Variants in RPTOR observed in about 807,000 individuals in gnomAD.
RPTOR encodes regulatory associated protein of MTOR complex 1.
RPTOR carries 21 observed loss-of-function variants against 169.9 expected under a neutral mutation model. The ratio of observed to expected loss-of-function variants is 0.12; its 90% CI spans 0.09 to 0.18. RPTOR has a LOEUF of 0.18. Among genes scored for constraint, RPTOR ranks in the 10% least tolerant of loss-of-function variants. RPTOR has a pLI of 1.00. For missense variants in RPTOR, 1,133 were observed against 1,855.9 expected (o/e 0.61, Z 7.16); for synonymous variants, 732 against 753.2 (o/e 0.97, Z 0.46).
intron 3 of RPTOR, among the ~76,000 whole-genome samples, chr17:80,656,914 G>A (rs866134834): frequency 3.9e-5 from 6 of 152,230 alleles, no homozygotes; most frequent in East Asian, 1.9e-4. Context: ...TGCCCATAGC[G>A]GTGGGAGAGC....
At chr17:80,791,851 G>A (rs1351346724) in intron 7 of RPTOR, among the ~76,000 whole-genome samples, 2 of 152,198 alleles carry the variant, frequency 1.3e-5, no homozygotes, top group African/African-American at 4.8e-5. Flanking sequence ...ATCATAGCTA[G>A]CTCTTACCTT....
chr17:80,765,600 G>A (rs1174269634), intron 6 of RPTOR, among the ~76,000 whole-genome samples: 3 of 152,132 alleles, frequency 2.0e-5, no homozygotes, highest in African/African-American at 7.2e-5. Context: ...GAGAGTAGCT[G>A]GTGGAGTCAG....
chr17:80,705,073 C>T (rs1350418164), intron 3 of RPTOR, among the ~76,000 whole-genome samples: 2 of 152,260 alleles, frequency 1.3e-5, no homozygotes, highest in Non-Finnish European at 2.9e-5. Flanking sequence ...CCTCCTGTCA[C>T]GCTCCGTGCT....
In RPTOR at chr17:80,577,579, C is replaced by A. The variant is rs139538940; in HGVS notation, c.162+31788C>A. Among the ~76,000 whole-genome samples, 1,306 of 152,296 alleles carry A rather than the reference C, an allele frequency of 8.6e-3. 23 individuals carry two copies. Among genetic ancestry groups the A allele is most frequent in the African/African-American group, 0.029 (1,208 of 41,558 alleles). ...GAGGCGTGAGCCATTGCGCCTGACT[C>A]TCCAGCTTATTTACAGTCCTTTCCA... On this transcript the variant is annotated intron_variant, in intron 1 of 33. Coordinates refer to ENST00000306801, the MANE Select transcript of RPTOR (RefSeq NM_020761.3).
intron 6 of RPTOR, among the ~76,000 whole-genome samples, chr17:80,780,872 T>C (rs1031709100): frequency 1.3e-5 from 2 of 152,220 alleles, no homozygotes; most frequent in South Asian, 2.1e-4. Context: ...ATTTCCCTAA[T>C]TGAGTTTGAG....
intron 1 of RPTOR, among the ~76,000 whole-genome samples, chr17:80,579,760 A>G (rs953613715): frequency 3.3e-5 from 5 of 152,220 alleles, no homozygotes; most frequent in East Asian, 3.8e-4. Context: ...TTTGTAAGCC[A>G]TGTTCTTAAA....
chr17:80,614,120 A>C (rs1358808917), intron 1 of RPTOR, among the ~76,000 whole-genome samples: 2 of 152,160 alleles, frequency 1.3e-5, no homozygotes, highest in Non-Finnish European at 2.9e-5. Context: ...GGGGGCTCAA[A>C]GATAAGCCAG....
At chr17:80,819,776 G>A (rs570566868) in intron 7 of RPTOR, among the ~76,000 whole-genome samples, 10 of 152,328 alleles carry the variant, frequency 6.6e-5, no homozygotes, top group Non-Finnish European at 1.2e-4. Flanking sequence ...GCTGTGTAAC[G>A]TAGAGTGTGG....
At position 80,964,373 on chromosome 17, in the gene RPTOR, A is replaced by T. The variant is rs1223287217; in HGVS notation, c.*43A>T. 1.3e-6 allele frequency: 2 copies of T among 1,588,038 alleles called. No homozygotes were observed. Among genetic ancestry groups the T allele is most frequent in the Non-Finnish European group, 1.7e-6 (2 of 1,167,724 alleles). On this transcript the variant is annotated 3_prime_UTR_variant, in exon 34 of 34. Coordinates refer to ENST00000306801, the MANE Select transcript of RPTOR (RefSeq NM_020761.3). ...ACCAGGCCACGGCCGCCTGCTGTAC[A>T]TAGTGAAGCTGTCACTCGCCGGGGC...
At chr17:80,822,497 C>G (rs2067390526) in intron 8 of RPTOR, among the ~76,000 whole-genome samples, 196 bp downstream of exon 8, 1 of 152,220 alleles carries the variant, frequency 6.6e-6, no homozygotes, top group African/African-American at 2.4e-5. Flanking sequence ...ACGCCAGGTT[C>G]TCAGAACGGT....
chr17:80,714,419 A>C (rs923734842), intron 4 of RPTOR, among the ~76,000 whole-genome samples: 1 of 152,210 alleles, frequency 6.6e-6, no homozygotes, highest in Non-Finnish European at 1.5e-5. Context: ...TGCATGTGGA[A>C]TGTTCACCAT....
Position 80,861,920 on chromosome 17 carries a change from T to C in RPTOR, c.1509+4020T>C, listed in dbSNP as rs1176173382. On this transcript the variant is annotated intron_variant, in intron 13 of 33. Transcript: ENST00000306801. This position sits in a 1 kb window ranked among gnomAD's most constrained non-coding sequence, Gnocchi z 4.5. ...TTCTCACTGCATCCACAGCCCATCATGGTATTGCAGTGCAGGGCGTCTTGT... is the reference window on the plus strand; with the variant it reads ...TTCTCACTGCATCCACAGCCCATCACGGTATTGCAGTGCAGGGCGTCTTGT... Among the ~76,000 whole-genome samples, 4 of 152,172 alleles carry C rather than the reference T, an allele frequency of 2.6e-5. No individual in the cohort carries two copies. The highest frequency in any genetic ancestry group is 5.9e-5 in the Non-Finnish European group (4 of 68,020).
chr17:80,765,316 C>G (rs1186851083), intron 6 of RPTOR, among the ~76,000 whole-genome samples: 1 of 152,206 alleles, frequency 6.6e-6, no homozygotes, highest in Non-Finnish European at 1.5e-5. Context: ...TTGATACTTG[C>G]TGACAGCAGG....
chr17:80,571,687 A>G (rs1426098240), intron 1 of RPTOR, among the ~76,000 whole-genome samples: 1 of 151,858 alleles, frequency 6.6e-6, no homozygotes, highest in Non-Finnish European at 1.5e-5. Flanking sequence ...CACCAAGCTA[A>G]TTTTTGCATT....
chr17:80,837,638 T>C (rs987173594), intron 9 of RPTOR, among the ~76,000 whole-genome samples: 1 of 152,252 alleles, frequency 6.6e-6, no homozygotes, highest in Non-Finnish European at 1.5e-5. Flanking sequence ...TTCCAGGCTT[T>C]TTTTCTTATT....
chr17:80,822,630 G>GT (rs1247153443), intron 8 of RPTOR, among the ~76,000 whole-genome samples: 1 of 152,238 alleles, frequency 6.6e-6, no homozygotes, highest in Non-Finnish European at 1.5e-5. Context: ...AATTGCTGTT[G>GT]TAAGACTTGT....
rs768146253 is a variant in RPTOR at position 80,844,162 on chromosome 17, G to C, written c.1213-2311G>C. On this transcript the variant is annotated intron_variant, in intron 10 of 33. Transcript: ENST00000306801. This position sits in a 1 kb window ranked among gnomAD's most constrained non-coding sequence, Gnocchi z 4.7. Reference sequence around the variant, plus strand: ...ACGGGCCGCTCTCGAGATGTTTTCCGGAATATCATATAAAGTGTTGGCCAC... The same window carrying C: ...ACGGGCCGCTCTCGAGATGTTTTCCCGAATATCATATAAAGTGTTGGCCAC... Among the ~76,000 whole-genome samples, 1 of 152,206 alleles carries C rather than the reference G, an allele frequency of 6.6e-6. No homozygotes were observed. The highest frequency in any genetic ancestry group is 1.9e-4 in the East Asian group (1 of 5,196).
chr17:80,570,356 AT>A (rs1340702819), intron 1 of RPTOR, among the ~76,000 whole-genome samples: 3 of 152,162 alleles, frequency 2.0e-5, no homozygotes, highest in Non-Finnish European at 4.4e-5. Flanking sequence ...CCCAAGTATG[AT>A]ATAGAAGGGG....
At position 80,643,652 on chromosome 17, in the gene RPTOR, G is replaced by T. The variant is rs148351185; in HGVS notation, c.266-76G>T. On this transcript the variant is annotated intron_variant, in intron 2 of 33. Transcript: ENST00000306801. The stretch of plus-strand genomic sequence containing the variant: ...GACTTTGAAGTGTGTTATATAAGGA[G>T]AAACTGTGGAAGAGAGGCCTAGCAG... 854 of 1,091,360 alleles carry T rather than the reference G, an allele frequency of 7.8e-4. 4 individuals carry two copies. In the African/African-American group the frequency reaches 0.01, roughly 13 times the overall value. 67.6% of individuals were successfully genotyped at this position (1,091,360 alleles called of 1,614,324 possible).
Sources: gnomAD v4.1 joint callset for allele counts (sites outside exome capture counted in the v4.1 genomes callset) on GRCh38, gnomAD v4.1.1 for gene constraint, Gnocchi (gnomAD v3.1) non-coding constraint, MANE v1.5 for transcripts, NCBI Gene and HGNC (gene_info 2026-07-23, HGNC 2026-07-21) for gene names.